The following ARMH1 variants were observed in gnomAD, a reference collection of about 807,000 sequenced individuals.
The protein encoded by ARMH1 is armadillo like helical domain containing 1, also known as armadillo-like helical domain containing protein 1.
In ARMH1, 34 loss-of-function variants were observed where a neutral mutation model predicts 50.2. The observed-to-expected ratio is 0.68, with a 90% CI of 0.51 to 0.90. The LOEUF is 0.90. Ranked by LOEUF, ARMH1 falls within the 40% of genes least tolerant of loss-of-function variation. The pLI is 0.00. For synonymous variants in ARMH1, 221 were observed against 224.2 expected (o/e 0.99, Z 0.13); for missense variants, 538 against 553.9 (o/e 0.97, Z 0.29).
intron 1 of ARMH1, among the ~76,000 whole-genome samples, chr1:44,678,649 C>G (rs1645211120): frequency 6.6e-6 from 1 of 152,070 alleles, no homozygotes; most frequent in Non-Finnish European, 1.5e-5. Context: ...AAGGAGAAGG[C>G]CTGTCTCATT....
chr1:44,704,281 C>A (rs7517244), intron 6 of ARMH1, 108 bp downstream of exon 6: 1 of 825,690 alleles, frequency 1.2e-6, no homozygotes, highest in Non-Finnish European at 2.0e-6. Context: ...TCTGAGACAG[C>A]CTTGGCAGAT....
Position 44,704,142 on chromosome 1 carries a change from G to A in ARMH1, c.693G>A (p.Leu231=), listed in dbSNP as rs1477141430. The A allele has an allele frequency of 5.2e-6, 8 of 1,551,314 alleles. No homozygotes were observed. The East Asian group carries it at 1.5e-4, about 28-fold the overall frequency. Residue 231 remains leucine (L), a synonymous_variant, in exon 6 of 12, where the codon CTG becomes CTA. Transcript: ENST00000535358. ...TCGTGGACTGCGTGCTGAAGGTGCT[G>A]GGCACGATGCACCTGGAAGTCCAGT... ...PSIVDCVLKV[L]GTMHLEVQYE... is the part of the protein sequence containing the mutation.
At chr1:44,687,363 A>G (rs1009448239) in intron 1 of ARMH1, among the ~76,000 whole-genome samples, 15 of 152,246 alleles carry the variant, frequency 9.9e-5, no homozygotes, top group Admixed American at 9.8e-4. Context: ...CTGCATTTAC[A>G]GCCACATCCC....
At chr1:44,709,564 C>T (rs1011043460) in intron 6 of ARMH1, among the ~76,000 whole-genome samples, 7 of 151,624 alleles carry the variant, frequency 4.6e-5, no homozygotes, top group South Asian at 2.1e-4. Flanking sequence ...CCCACCTACA[C>T]GGGAGGCTGA....
In ARMH1 at chr1:44,724,815, G is replaced by C. The variant is rs1195855980; in HGVS notation, c.1104G>C (p.Gly368=). 4 of 1,542,654 alleles carry C rather than the reference G, an allele frequency of 2.6e-6. No homozygotes were observed. The Admixed American group carries it at 7.9e-5, about 30-fold the overall frequency. ...LVAEHVRKCM[G]EELYQLFLSN... ...CGGAGCACGTGCGCAAGTGCATGGG[G>C]GAGGAACTCTACCAGCTCTTCCTGG... The change falls in exon 10 of 12, where the codon GGG becomes GGC. Residue 368 remains glycine, a synonymous_variant. Transcript: ENST00000535358. This position sits in a 1 kb window ranked among gnomAD's most constrained non-coding sequence, Gnocchi z 6.4.
rs545064165 is a variant in ARMH1 at position 44,722,946 on chromosome 1, C to G, written c.725-1176C>G. Among the ~76,000 whole-genome samples, 36 of 147,354 alleles carry G rather than the reference C, an allele frequency of 2.4e-4. No homozygotes were observed. The South Asian group carries it at 7.3e-3, about 30-fold the overall frequency. On this transcript the variant is annotated intron_variant, in intron 6 of 11. Coordinates refer to ENST00000535358, the MANE Select transcript of ARMH1 (RefSeq NM_001145636.2). ...AAAATTAGCCGGGTGTGGTGGCGGG[C>G]GCCTGTAATCCCAGCCTACTCGGGA...
At chr1:44,706,445 CA>C (rs761014679) in intron 6 of ARMH1, among the ~76,000 whole-genome samples, 3 of 152,160 alleles carry the variant, frequency 2.0e-5, no homozygotes, top group Non-Finnish European at 4.4e-5. Flanking sequence ...CTCCTGTGTC[CA>C]GGATGACAGG....
chr1:44,690,642 C>G (rs1389223667), intron 2 of ARMH1, among the ~76,000 whole-genome samples: 1 of 152,062 alleles, frequency 6.6e-6, no homozygotes, highest in Admixed American at 6.6e-5. Flanking sequence ...TATATTCCAC[C>G]CAACCCCAAT....
chr1:44,711,326 G>A (rs1646603897), intron 6 of ARMH1, among the ~76,000 whole-genome samples: 1 of 152,158 alleles, frequency 6.6e-6, no homozygotes, highest in African/African-American at 2.4e-5. Context: ...AATATATGAG[G>A]ATTCCAATTT....
intron 5 of ARMH1, 60 bp from the exon 6 acceptor site, chr1:44,704,029 A>C: frequency 2.1e-6 from 3 of 1,410,574 alleles, no homozygotes; most frequent in Non-Finnish European, 9.7e-7. Context: ...CCCGGCCGGG[A>C]ATCCATCTTT....
At chr1:44,677,952 A>G (rs1042832091) in intron 1 of ARMH1, among the ~76,000 whole-genome samples, 1 of 152,160 alleles carries the variant, frequency 6.6e-6, no homozygotes, top group Non-Finnish European at 1.5e-5. Context: ...GGGTGTAAGA[A>G]TCTAAACAGA....
chr1:44,699,986 G>GA (rs1338112884), intron 4 of ARMH1, among the ~76,000 whole-genome samples: 2 of 151,470 alleles, frequency 1.3e-5, no homozygotes, highest in African/African-American at 4.9e-5. Flanking sequence ...CGTGCCACCA[G>GA]ACCCAGCTAA....
rs1346321600 is a variant in ARMH1 at position 44,724,893 on chromosome 1, G to A, written c.1128+54G>A. On this transcript the variant is annotated intron_variant, in intron 10 of 11. Transcript: ENST00000535358. This position sits in a 1 kb window ranked among gnomAD's most constrained non-coding sequence, Gnocchi z 6.4. ...ATGAGCAGATGGCGGCTCGGACAGT[G>A]TGATGCCCCTTCAGACAGTCCCCAT... 6.5e-7 allele frequency: 1 copy of A among 1,527,552 alleles called. No homozygotes were observed. Among genetic ancestry groups the A allele is most frequent in the Non-Finnish European group, 8.8e-7 (1 of 1,140,566 alleles). The allele number at this position is 1,527,552 out of a possible 1,614,324, so 94.6% of individuals were successfully genotyped here.
At chr1:44,680,996 CTTTTT>C (rs1333237982) in intron 1 of ARMH1, among the ~76,000 whole-genome samples, 35 of 138,924 alleles carry the variant, frequency 2.5e-4, no homozygotes, top group Non-Finnish European at 4.3e-4. Context: ...TTCCGATCCC[CTTTTT>C]TTTTTTTTTT....
chr1:44,721,955 T>G (rs2148792654), intron 6 of ARMH1: 1 of 152,344 alleles, frequency 6.6e-6, no homozygotes, highest in Non-Finnish European at 1.5e-5. Context: ...CTCCCTCTAC[T>G]TACGGTGCCT....
chr1:44,723,171 T>C (rs1192237764), intron 6 of ARMH1, among the ~76,000 whole-genome samples: 2 of 152,094 alleles, frequency 1.3e-5, no homozygotes, highest in Non-Finnish European at 2.9e-5. Context: ...CTTTCTCTTC[T>C]TTACAAAAAC....
At chr1:44,680,776 A>G (rs535903039) in intron 1 of ARMH1, among the ~76,000 whole-genome samples, 1 of 152,162 alleles carries the variant, frequency 6.6e-6, no homozygotes, top group East Asian at 1.9e-4. Flanking sequence ...GATGGCCCCT[A>G]TATTCTCTGT....
chr1:44,701,903 CA>C (rs1238702275), intron 5 of ARMH1, among the ~76,000 whole-genome samples: 1 of 144,410 alleles, frequency 6.9e-6, no homozygotes, highest in African/African-American at 2.6e-5. Flanking sequence ...ACTCCCTGGG[CA>C]AAAAAGTGAG....
At position 44,724,351 on chromosome 1, in the gene ARMH1, G is replaced by A. The variant is rs1465794911; in HGVS notation, c.879G>A (p.Leu293=). 2.0e-5 allele frequency: 31 copies of A among 1,551,458 alleles called. No individual in the cohort carries two copies. Among genetic ancestry groups the A allele is most frequent in the Non-Finnish European group, 2.7e-5 (31 of 1,146,964 alleles). Residue 293 remains leucine, a synonymous_variant, in exon 8 of 12, where the codon CTG becomes CTA. Coordinates refer to ENST00000535358, the MANE Select transcript of ARMH1 (RefSeq NM_001145636.2). This position sits in a 1 kb window ranked among gnomAD's most constrained non-coding sequence, Gnocchi z 6.4. ...DPSVLQLTPS[L]PMFLQQAAAA... ...CGGTTCTCCAGCTCACCCCCAGCCTGCCGATGTTTTTGCAGCAGGCCGCGG... is the reference window on the plus strand; with the variant it reads ...CGGTTCTCCAGCTCACCCCCAGCCTACCGATGTTTTTGCAGCAGGCCGCGG...
Sources: gnomAD v4.1 joint callset for allele counts (sites outside exome capture counted in the v4.1 genomes callset) on GRCh38, gnomAD v4.1.1 for gene constraint, Gnocchi (gnomAD v3.1) non-coding constraint, MANE v1.5 for transcripts, NCBI Gene and HGNC (gene_info 2026-07-23, HGNC 2026-07-21) for gene names.